Variants in HIVEP2 observed in about 807,000 individuals in gnomAD.
The protein encoded by HIVEP2 is transcription factor HIVEP2.
HIVEP2 carries 14 observed loss-of-function variants against 180.7 expected under a neutral mutation model. The ratio of observed to expected loss-of-function variants is 0.08; its 90% CI spans 0.05 to 0.12. The LOEUF (loss-of-function observed/expected upper bound fraction) is 0.12. HIVEP2 is among the 10% of genes least tolerant of loss of function. HIVEP2 has a pLI of 1.00. For synonymous variants in HIVEP2, 1,184 were observed against 1,136.4 expected, an observed-to-expected ratio of 1.04 and a Z score of -0.84; for missense variants, 2,579 against 3,008.5, an observed-to-expected ratio of 0.86 and a Z score of 3.34.
chr6:142,779,972 G>GT (rs1378714215), intron 3 of HIVEP2, among the ~76,000 whole-genome samples: 3 of 152,074 alleles, frequency 2.0e-5, no homozygotes, highest in African/African-American at 7.2e-5. Context: ...AGACCATTAA[G>GT]TTAATTGTTT....
chr6:142,800,819 C>T (rs1409732146), intron 2 of HIVEP2, among the ~76,000 whole-genome samples: 1 of 152,094 alleles, frequency 6.6e-6, no homozygotes, highest in Non-Finnish European at 1.5e-5. Flanking sequence ...GAGTGTCTCT[C>T]CCTAGGCTAA....
intron 2 of HIVEP2, among the ~76,000 whole-genome samples, chr6:142,787,566 CAAA>C (rs5880546): frequency 1.1e-4 from 13 of 118,222 alleles, no homozygotes; most frequent in Admixed American, 9.0e-5. Context: ...TTCCTCTCTA[CAAA>C]AAAAAAAAAA....
chr6:142,802,049 T>C (rs1426956474), intron 2 of HIVEP2, among the ~76,000 whole-genome samples: 1 of 152,182 alleles, frequency 6.6e-6, no homozygotes, highest in African/African-American at 2.4e-5. Flanking sequence ...GTTAATATAC[T>C]ACCAGCTGCT....
chr6:142,824,737 T>G (rs1774825838), intron 2 of HIVEP2, among the ~76,000 whole-genome samples: 1 of 152,194 alleles, frequency 6.6e-6, no homozygotes, highest in South Asian at 2.1e-4. Context: ...AGTTACACCC[T>G]TAATTGACCA....
At chr6:142,909,838 G>A (rs1451313784) in intron 1 of HIVEP2, among the ~76,000 whole-genome samples, 1 of 152,110 alleles carries the variant, frequency 6.6e-6, no homozygotes, top group African/African-American at 2.4e-5. Flanking sequence ...TGTAAATTGG[G>A]GGAAACACAG....
chr6:142,915,361 G>A (rs1377204496), intron 1 of HIVEP2, among the ~76,000 whole-genome samples: 1 of 152,172 alleles, frequency 6.6e-6, no homozygotes, highest in Non-Finnish European at 1.5e-5. Context: ...GACTGAGGCA[G>A]AGACTACAGT....
intron 9 of HIVEP2, among the ~76,000 whole-genome samples, chr6:142,759,396 T>C (rs1166305681): frequency 1.3e-5 from 2 of 152,206 alleles, no homozygotes; most frequent in Non-Finnish European, 2.9e-5. Context: ...TGATGAGTTA[T>C]ATAAGTGATG....
intron 2 of HIVEP2, among the ~76,000 whole-genome samples, chr6:142,836,218 A>G (rs1386667234): frequency 4.6e-5 from 7 of 152,170 alleles, no homozygotes; most frequent in African/African-American, 1.7e-4. Flanking sequence ...TTTTTTAAAA[A>G]AATTACCAAG....
In HIVEP2 at chr6:142,771,964, C is replaced by T; in HGVS notation, c.2775G>A (p.Glu925=). The part of the protein sequence containing the change: ...VEEFQWPQRS[E]TLSQLPAEKL... ...TCTCCGCGGGGAGCTGGGAAAGGGT[C>T]TCACTTCTCTGGGGCCACTGAAATT... The change falls in exon 5 of 10, where the codon GAG becomes GAA. Residue 925 remains glutamate, a synonymous_variant. Coordinates refer to ENST00000367603, the MANE Select transcript of HIVEP2 (RefSeq NM_006734.4). This position sits in a 1 kb window ranked among gnomAD's most constrained non-coding sequence, Gnocchi z 5.4. 6.2e-7 allele frequency: 1 copy of T among 1,614,202 alleles called. No individual in the cohort carries two copies. Among genetic ancestry groups the T allele is most frequent in the Non-Finnish European group, 8.5e-7 (1 of 1,180,032 alleles).
chr6:142,790,267 C>T (rs1776106329), intron 2 of HIVEP2, among the ~76,000 whole-genome samples: 1 of 152,156 alleles, frequency 6.6e-6, no homozygotes, highest in Admixed American at 6.5e-5. Flanking sequence ...ATTGGTTTTG[C>T]AAAAGGGCAG....
chr6:142,845,821 C>A (rs1775498977), intron 1 of HIVEP2, among the ~76,000 whole-genome samples: 1 of 152,224 alleles, frequency 6.6e-6, no homozygotes, highest in Non-Finnish European at 1.5e-5. Flanking sequence ...TGCTGTCTTC[C>A]CCAGGCAGAG....
chr6:142,898,010 G>A (rs1346781605), intron 1 of HIVEP2, among the ~76,000 whole-genome samples: 2 of 152,082 alleles, frequency 1.3e-5, no homozygotes, highest in African/African-American at 2.4e-5. Context: ...AACGAGCATG[G>A]CACCTCAGCC....
At chr6:142,850,923 A>G (rs533816925) in intron 1 of HIVEP2, among the ~76,000 whole-genome samples, 5 of 152,212 alleles carry the variant, frequency 3.3e-5, no homozygotes, top group Non-Finnish European at 7.3e-5. Context: ...AAGAAACCCA[A>G]CTGAAAAATG....
intron 1 of HIVEP2, among the ~76,000 whole-genome samples, chr6:142,929,359 T>A (rs928820500): frequency 1.3e-5 from 2 of 152,186 alleles, no homozygotes; most frequent in African/African-American, 2.4e-5. Context: ...ATAAAATCAG[T>A]ATTACCATAA....
chr6:142,775,201 A>C, intron 4 of HIVEP2, 76 bp from the exon 5 acceptor site: 1 of 336,690 alleles, frequency 3.0e-6, no homozygotes, highest in Non-Finnish European at 4.2e-6. Flanking sequence ...AAACCTAACT[A>C]ACCAACCAGA....
At chr6:142,820,299 C>CTCTCTCTCTCTCTCTG (rs1776995809) in intron 2 of HIVEP2, among the ~76,000 whole-genome samples, 1 of 149,302 alleles carries the variant, frequency 6.7e-6, no homozygotes, top group Non-Finnish European at 1.5e-5. Context: ...GCTCTCTCTT[C>CTCTCTCTCTCTCTCTG]TCTCTCTCTC....
Position 142,760,048 on chromosome 6 carries a change from T to C in HIVEP2, c.6240A>G (p.Arg2080=), listed in dbSNP as rs765915257. The C allele has an allele frequency of 6.2e-7, 1 of 1,614,128 alleles. No homozygotes were observed. ...AAAGATGTCTCATGGGTGACAGATC[T>C]CTCCTAGGTGATAAATGTCTCCTGG... ...LSPRRHLSPR[R]DLSPMRHLSP... is the part of the protein sequence containing the mutation. Residue 2080 remains arginine, a synonymous_variant, in exon 9 of 10, where the codon AGA becomes AGG. Coordinates refer to ENST00000367603, the MANE Select transcript of HIVEP2 (RefSeq NM_006734.4).
Position 142,772,708 on chromosome 6 carries a change from G to A in HIVEP2, c.2031C>T (p.Pro677=), listed in dbSNP as rs374204002. The A allele has an allele frequency of 1.4e-5, 23 of 1,614,024 alleles. No individual in the cohort carries two copies. The highest frequency in any genetic ancestry group is 1.2e-4 in the African/African-American group (9 of 74,902). ...LKHGGEYFMD[P]VVPLQGVPSM... is the part of the protein sequence containing the mutation. ...TTGGTACTCCCTGCAATGGCACCAC[G>A]GGATCCATGAAATATTCTCCACCAT... The change falls in exon 5 of 10, where the codon CCC becomes CCT. Residue 677 remains proline, a synonymous_variant. Transcript: ENST00000367603. This position sits in a 1 kb window ranked among gnomAD's most constrained non-coding sequence, Gnocchi z 4.9.
intron 1 of HIVEP2, among the ~76,000 whole-genome samples, chr6:142,851,985 T>C (rs1273466644): frequency 6.6e-6 from 1 of 152,218 alleles, no homozygotes; most frequent in Non-Finnish European, 1.5e-5. Context: ...GTCTTTCTTA[T>C]CCAGCTCAAG....
Sources: gnomAD v4.1 joint callset for allele counts (sites outside exome capture counted in the v4.1 genomes callset) on GRCh38, gnomAD v4.1.1 for gene constraint, Gnocchi (gnomAD v3.1) non-coding constraint, MANE v1.5 for transcripts, NCBI Gene and HGNC (gene_info 2026-07-23, HGNC 2026-07-21) for gene names.